The following CLIP3 variants were observed in gnomAD, a reference collection of about 807,000 sequenced individuals.
CLIP3 encodes the protein CAP-Gly domain containing linker protein 3.
In CLIP3, 15 loss-of-function variants were observed where a neutral mutation model predicts 59.4. That is an observed-to-expected ratio of 0.25 (90% CI 0.17 to 0.39). The LOEUF is 0.39. Ranked by LOEUF, CLIP3 falls within the 10% of genes least tolerant of loss-of-function variation. The probability of loss-of-function intolerance (pLI) is 1.00; values close to 1 mark genes in which losing one functional copy is unlikely to be tolerated. For synonymous variants in CLIP3, 300 were observed against 321.6 expected, an observed-to-expected ratio of 0.93 and a Z score of 0.72; for missense variants, 495 against 765.7, an observed-to-expected ratio of 0.65 and a Z score of 4.17.
At chr19:36,020,782 G>A (rs1330782633) in intron 7 of CLIP3, among the ~76,000 whole-genome samples, 1 of 152,204 alleles carries the variant, frequency 6.6e-6, no homozygotes, top group African/African-American at 2.4e-5. Context: ...GGACAGGGCT[G>A]TTATAGAGAA....
At chr19:36,020,746 T>C (rs187433827) in intron 7 of CLIP3, among the ~76,000 whole-genome samples, 10 of 152,346 alleles carry the variant, frequency 6.6e-5, no homozygotes, top group Non-Finnish European at 1.2e-4. Context: ...AGACAGAATA[T>C]TTCCACCATT....
At position 36,026,075 on chromosome 19, in the gene CLIP3, G is replaced by A. The variant is rs1969097687; in HGVS notation, c.681+72C>T. ...TATTTGGGGAGTCACGGGAAACGCA[G>A]AGACCTGCTGGAGGGAAGTGGGGGA... On this transcript the variant is annotated intron_variant, in intron 6 of 13. Coordinates refer to ENST00000360535, the MANE Select transcript of CLIP3 (RefSeq NM_015526.3). The surrounding 1 kb of genome is among the most constrained non-coding windows in gnomAD (Gnocchi z 6.3). The A allele has an allele frequency of 8.5e-7, 1 of 1,179,636 alleles. No individual in the cohort carries two copies. Among genetic ancestry groups the A allele is most frequent in the Admixed American group, 1.8e-5 (1 of 54,656 alleles). 73.1% of individuals were successfully genotyped at this position (1,179,636 alleles called of 1,614,324 possible).
Position 36,032,441 on chromosome 19 carries a change from G to T in CLIP3, c.-58-26C>A. The T allele has an allele frequency of 1.6e-6, 1 of 627,490 alleles. No individual in the cohort carries two copies. The highest frequency in any genetic ancestry group is 2.3e-6 in the Non-Finnish European group (1 of 429,832). The allele number at this position is 627,490 out of a possible 1,614,324, so 38.9% of individuals were successfully genotyped here. On this transcript the variant is annotated intron_variant, in intron 1 of 13. Coordinates refer to ENST00000360535, the MANE Select transcript of CLIP3 (RefSeq NM_015526.3). The surrounding 1 kb of genome is among the most constrained non-coding windows in gnomAD (Gnocchi z 4.3). Reference sequence around the variant, plus strand: ...CTGGAGGCAGAGGTCAGCTGGAGAGGGTGCCCGGCAGGCTCCAGGGTCCAA... The same window carrying T: ...CTGGAGGCAGAGGTCAGCTGGAGAGTGTGCCCGGCAGGCTCCAGGGTCCAA...
In CLIP3 at chr19:36,026,998, G is replaced by T. The variant is rs1040287459; in HGVS notation, c.354C>A (p.Asp118Glu). ...CHVNDRDGLT[D>E]MTLLHYACKA... ...TGCACGCATAGTGGAGCAGTGTCAT[G>T]TCGGTCAGCCCGTCACGATCGTTCA... The change falls in exon 4 of 14, where the codon GAC becomes GAA. Residue 118 changes from aspartate (D) to glutamate (E), a missense_variant. Transcript: ENST00000360535. This position sits in a 1 kb window ranked among gnomAD's most constrained non-coding sequence, Gnocchi z 6.3. The T allele has an allele frequency of 6.3e-7, 1 of 1,585,214 alleles. No homozygotes were observed.
chr19:36,024,699 C>T lies in CLIP3; in HGVS notation c.682-67G>A, dbSNP rs1480717247. Reference sequence around the variant, plus strand: ...AGGTCACACCCCCATGGAGGCCCTGCCCCTAGAGACCACCAGTCTGGGTGA... The same window carrying T: ...AGGTCACACCCCCATGGAGGCCCTGTCCCTAGAGACCACCAGTCTGGGTGA... On this transcript the variant is annotated intron_variant, in intron 6 of 13. Coordinates refer to ENST00000360535, the MANE Select transcript of CLIP3 (RefSeq NM_015526.3). 1.4e-5 allele frequency: 20 copies of T among 1,438,254 alleles called. No individual in the cohort carries two copies. In the South Asian group the frequency reaches 2.2e-4, roughly 16 times the overall value. The allele number at this position is 1,438,254 out of a possible 1,614,324, so 89.1% of individuals were successfully genotyped here. A position where few individuals can be genotyped will look rare whatever the true frequency, so the allele number is the denominator to read the frequency against.
intron 2 of CLIP3, among the ~76,000 whole-genome samples, chr19:36,030,269 T>C (rs1259426895): frequency 6.6e-6 from 1 of 152,134 alleles, no homozygotes; most frequent in African/African-American, 2.4e-5. Context: ...CCCAGGCTGA[T>C]CTCGAACTCC....
At chr19:36,018,396 T>G (rs532213329) in intron 9 of CLIP3, among the ~76,000 whole-genome samples, 1 of 152,106 alleles carries the variant, frequency 6.6e-6, no homozygotes, top group Non-Finnish European at 1.5e-5. Flanking sequence ...CTGGCCAACA[T>G]GGCAAAACCC....
In CLIP3 at chr19:36,015,701, A is replaced by C. The variant is rs148191010; in HGVS notation, c.*457T>G. 5.4e-6 allele frequency: 1 copy of C among 185,846 alleles called. No homozygotes were observed. Among genetic ancestry groups the C allele is most frequent in the Non-Finnish European group, 1.2e-5 (1 of 86,692 alleles). The allele number at this position is 185,846 out of a possible 1,614,324, so 11.5% of individuals were successfully genotyped here. A position where few individuals can be genotyped will look rare whatever the true frequency, so the allele number is the denominator to read the frequency against. On this transcript the variant is annotated 3_prime_UTR_variant, in exon 14 of 14. Transcript: ENST00000360535. Reference sequence around the variant, plus strand: ...GAGGACTGATGTTAAATGGGGAACAATGACATGAATGTCTGTTACTCTTTT... The same window carrying C: ...GAGGACTGATGTTAAATGGGGAACACTGACATGAATGTCTGTTACTCTTTT...
intron 7 of CLIP3, among the ~76,000 whole-genome samples, chr19:36,023,030 A>G (rs947899944): frequency 3.0e-4 from 45 of 152,134 alleles, no homozygotes; most frequent in African/African-American, 1.1e-3. Context: ...ACTCCAGCCT[A>G]GGCGACAGAG....
Position 36,024,462 on chromosome 19 carries a change from TG to T in CLIP3, c.851del (p.Pro284GlnfsTer221). The stretch of plus-strand genomic sequence containing the variant: ...CCAGTGCGCTAAGCATGAGATTGCC[TG>T]GGACGTTGTCATAGTTGGGTAGCGT... The part of the protein sequence containing the change: ...KVTLPNYDNV[P>X]GNLMLSALGL... On this transcript the variant is annotated frameshift_variant, in exon 7 of 14. Transcript: ENST00000360535. LOFTEE classifies it high-confidence loss of function. The T allele has an allele frequency of 6.2e-7, 1 of 1,614,226 alleles. No homozygotes were observed. Among genetic ancestry groups the T allele is most frequent in the Non-Finnish European group, 8.5e-7 (1 of 1,180,036 alleles).
intron 2 of CLIP3, among the ~76,000 whole-genome samples, chr19:36,030,922 C>A (rs966938888): frequency 6.6e-6 from 1 of 152,150 alleles, no homozygotes; most frequent in Admixed American, 6.6e-5. Flanking sequence ...GAAAGAGCAG[C>A]CCTGACTACC....
At chr19:36,019,150 T>G in intron 8 of CLIP3, 21 bp downstream of exon 8, 1 of 1,613,862 alleles carries the variant, frequency 6.2e-7, no homozygotes, top group South Asian at 1.1e-5. Context: ...ACACCCCTCT[T>G]GGGCCCGAGG....
rs1206900462 is a variant in CLIP3, at chr19:36,026,701, C to G, written c.447G>C (p.Leu149=). 3.7e-6 allele frequency: 6 copies of G among 1,605,984 alleles called. No homozygotes were observed. The highest frequency in any genetic ancestry group is 4.2e-6 in the Non-Finnish European group (5 of 1,177,870). ...GGCTGCGCAGCGTCACATCTGCGCC[C>G]AGCGCCAGCAGCTGCTGCGAGAGGC... ...AVRLSQQLLA[L]GADVTLRSRW... is the part of the protein sequence containing the mutation. Residue 149 remains leucine (L), a synonymous_variant, in exon 5 of 14, where the codon CTG becomes CTC. Transcript: ENST00000360535. This position sits in a 1 kb window ranked among gnomAD's most constrained non-coding sequence, Gnocchi z 6.3.
Position 36,032,374 on chromosome 19 carries a change from CG to C in CLIP3, c.-18del, listed in dbSNP as rs1364266746. On this transcript the variant is annotated 5_prime_UTR_variant, in exon 2 of 14. Transcript: ENST00000360535. The surrounding 1 kb of genome is among the most constrained non-coding windows in gnomAD (Gnocchi z 4.3). ...CTTAGTCATGGTCCTCGGTGGCCCT[CG>C]GGGGGCGGGTGCAGAGTTGGGGGCA... is the stretch of plus-strand genomic sequence containing the variant. 6.5e-6 allele frequency: 8 copies of C among 1,229,272 alleles called. No individual in the cohort carries two copies. Among genetic ancestry groups the C allele is most frequent in the Non-Finnish European group, 5.1e-6 (5 of 971,532 alleles). 76.1% of individuals were successfully genotyped at this position (1,229,272 alleles called of 1,614,324 possible).
At position 36,032,414 on chromosome 19, in the gene CLIP3, T is replaced by C. The variant is rs2145415391; in HGVS notation, c.-57A>G. 2.4e-6 allele frequency: 2 copies of C among 846,882 alleles called. No homozygotes were observed. Among genetic ancestry groups the C allele is most frequent in the East Asian group, 6.7e-5 (2 of 30,038 alleles). The allele number at this position is 846,882 out of a possible 1,614,324, so 52.5% of individuals were successfully genotyped here. A position where few individuals can be genotyped will look rare whatever the true frequency, so the allele number is the denominator to read the frequency against. On this transcript the variant is annotated splice_region_variant and 5_prime_UTR_variant, in exon 2 of 14. Coordinates refer to ENST00000360535, the MANE Select transcript of CLIP3 (RefSeq NM_015526.3). The surrounding 1 kb of genome is among the most constrained non-coding windows in gnomAD (Gnocchi z 4.3). ...GAGTTGGGGGCAGCCTTCAGGCAAA[T>C]CCTGGAGGCAGAGGTCAGCTGGAGA...
At chr19:36,020,476 C>T (rs1277421902) in intron 7 of CLIP3, among the ~76,000 whole-genome samples, 2 of 145,956 alleles carry the variant, frequency 1.4e-5, no homozygotes, top group African/African-American at 2.7e-5. Flanking sequence ...TGATGGTGCA[C>T]GCCTGTAATC....
At chr19:36,031,936 G>A (rs1243374630) in intron 2 of CLIP3, among the ~76,000 whole-genome samples, 2 of 152,180 alleles carry the variant, frequency 1.3e-5, no homozygotes, top group Non-Finnish European at 2.9e-5. Context: ...CAGGTCCACA[G>A]CCGCTTTCAA....
chr19:36,029,322 A>T (rs571521498), intron 2 of CLIP3, among the ~76,000 whole-genome samples: 1 of 151,246 alleles, frequency 6.6e-6, no homozygotes, highest in Non-Finnish European at 1.5e-5. Flanking sequence ...AAAAAAAAAA[A>T]ATAGGGTCTG....
In CLIP3 at chr19:36,026,910, C is replaced by T; in HGVS notation, c.400+42G>A. On this transcript the variant is annotated intron_variant, in intron 4 of 13. Coordinates refer to ENST00000360535, the MANE Select transcript of CLIP3 (RefSeq NM_015526.3). The surrounding 1 kb of genome is among the most constrained non-coding windows in gnomAD (Gnocchi z 6.3). ...TTTTCAGCGTGTTGGGTCTGGGGGC[C>T]TAGGCTTTGGGGCTTATGACTTGGG... The T allele has an allele frequency of 6.6e-7, 1 of 1,526,432 alleles. No homozygotes were observed. Among genetic ancestry groups the T allele is most frequent in the Non-Finnish European group, 8.8e-7 (1 of 1,140,896 alleles). 94.6% of individuals were successfully genotyped at this position (1,526,432 alleles called of 1,614,324 possible). A position where few individuals can be genotyped will look rare whatever the true frequency, so the allele number is the denominator to read the frequency against.
Sources: gnomAD v4.1 joint callset for allele counts (sites outside exome capture counted in the v4.1 genomes callset) on GRCh38, gnomAD v4.1.1 for gene constraint, Gnocchi (gnomAD v3.1) non-coding constraint, MANE v1.5 for transcripts, NCBI Gene and HGNC (gene_info 2026-07-23, HGNC 2026-07-21) for gene names.